PHACTR1: variants seen among roughly 807,000 people sequenced by gnomAD.
PHACTR1 encodes phosphatase and actin regulator 1, also known as RPEL repeat containing 1.
Under a neutral mutation model 69.2 loss-of-function variants are expected in PHACTR1, and 16 were observed. The ratio of observed to expected loss-of-function variants is 0.23; its 90% CI spans 0.16 to 0.35. PHACTR1 has a LOEUF of 0.35. PHACTR1 is among the 10% of genes least tolerant of loss of function. The pLI is 1.00. For synonymous variants in PHACTR1, 312 were observed against 284.5 expected (o/e 1.10, Z -0.97); for missense variants, 510 against 734.7 (o/e 0.69, Z 3.54).
rs144897266 is a variant in PHACTR1 at position 12,751,267 on chromosome 6, G to A, written c.250+1477G>A. ...TTCTTAAATGTTTGCCTCTGACTTT[G>A]GAGCTGAAGACAAGTTTATTTAGAA... On this transcript the variant is annotated intron_variant, in intron 4 of 14. Coordinates refer to ENST00000332995, the MANE Select transcript of PHACTR1 (RefSeq NM_030948.6). Among the ~76,000 whole-genome samples, 265 of 152,314 alleles carry A rather than the reference G, an allele frequency of 1.7e-3. 1 individual carries two copies. Among genetic ancestry groups the A allele is most frequent in the African/African-American group, 5.6e-3 (233 of 41,576 alleles).
intron 3 of PHACTR1, among the ~76,000 whole-genome samples, chr6:12,732,371 A>T (rs1401085545): frequency 6.6e-6 from 1 of 151,736 alleles, no homozygotes; most frequent in Non-Finnish European, 1.5e-5. Context: ...TAGTTCTTCT[A>T]AAAAATGGGG....
intron 4 of PHACTR1, among the ~76,000 whole-genome samples, chr6:13,034,261 C>T (rs1460885066): frequency 6.6e-6 from 1 of 152,116 alleles, no homozygotes; most frequent in Non-Finnish European, 1.5e-5. Flanking sequence ...TCGTGATCCG[C>T]CCGCCTCGGC....
chr6:12,987,184 A>C (rs1249393083), intron 4 of PHACTR1, among the ~76,000 whole-genome samples: 2 of 152,186 alleles, frequency 1.3e-5, no homozygotes, highest in African/African-American at 4.8e-5. Flanking sequence ...AAGGATTTTT[A>C]TTTTATTCTG....
intron 10 of PHACTR1, among the ~76,000 whole-genome samples, chr6:13,243,244 C>CTT (rs58107564): frequency 2.9e-5 from 4 of 136,254 alleles, no homozygotes; most frequent in African/African-American, 5.3e-5. Flanking sequence ...TGTCAGACCA[C>CTT]TTTTTTTTTT....
At position 13,179,429 on chromosome 6, in the gene PHACTR1, T is replaced by TGTGTGTGA. The variant is rs1441431918; in HGVS notation, c.497-3083_497-3082insAGTGTGTG. ...TCGTGTGTGTGTGTGTGTGTGTGTG[T>TGTGTGTGA]GTGTGTGTGTGTGTGTTTAAAAATG... is the stretch of plus-strand genomic sequence containing the variant. On this transcript the variant is annotated intron_variant, in intron 6 of 14. Transcript: ENST00000332995. This position sits in a 1 kb window ranked among gnomAD's most constrained non-coding sequence, Gnocchi z 4.2. Among the ~76,000 whole-genome samples, 1 of 151,682 alleles carries TGTGTGTGA rather than the reference T, an allele frequency of 6.6e-6. No homozygotes were observed. The highest frequency in any genetic ancestry group is 6.6e-5 in the Admixed American group (1 of 15,212).
chr6:13,163,126 C>A (rs556675642), intron 6 of PHACTR1, among the ~76,000 whole-genome samples: 1 of 152,048 alleles, frequency 6.6e-6, no homozygotes, highest in East Asian at 1.9e-4. Context: ...GCGCCTGTAG[C>A]CCCAGCTACT....
rs552996033 is a variant in PHACTR1, at chr6:13,163,163, T to C, written c.496+2879T>C. 2.1e-4 allele frequency among the ~76,000 whole-genome samples: 32 copies of C among 152,312 alleles called. No homozygotes were observed. The East Asian group carries it at 6.2e-3, about 29-fold the overall frequency. On this transcript the variant is annotated intron_variant, in intron 6 of 14. Coordinates refer to ENST00000332995, the MANE Select transcript of PHACTR1 (RefSeq NM_030948.6). ...GGGAGGCTGAGGCAGGAGAATCACT[T>C]GAACCCAGGAGGTGGAGGTTGCAGT...
chr6:12,965,451 C>CATTTTTTTTTTTT (rs60864787), intron 4 of PHACTR1, among the ~76,000 whole-genome samples: 3 of 131,966 alleles, frequency 2.3e-5, no homozygotes, highest in Non-Finnish European at 1.6e-5. Context: ...TATTTTGTGC[C>CATTTTTTTTTTTT]TTTTTTTTTT....
intron 4 of PHACTR1, among the ~76,000 whole-genome samples, chr6:12,993,799 A>C (rs1797093025): frequency 6.6e-6 from 1 of 152,162 alleles, no homozygotes; most frequent in Admixed American, 6.5e-5. Flanking sequence ...AAGCGAACAT[A>C]TTTTCCCCTC....
intron 4 of PHACTR1, among the ~76,000 whole-genome samples, chr6:12,930,358 G>T (rs1029450634): frequency 6.6e-6 from 1 of 152,128 alleles, no homozygotes; most frequent in Non-Finnish European, 1.5e-5. Context: ...GAATTTTTTT[G>T]GGTGTGTGGA....
At chr6:12,754,128 ATTTTTT>A (rs34841058) in intron 4 of PHACTR1, among the ~76,000 whole-genome samples, 2 of 112,428 alleles carry the variant, frequency 1.8e-5, no homozygotes, top group South Asian at 3.2e-4. Context: ...ACGCCTGGCT[ATTTTTT>A]TTTTTTTTTT....
intron 5 of PHACTR1, among the ~76,000 whole-genome samples, chr6:13,140,270 A>G (rs1346488113): frequency 6.6e-6 from 1 of 152,200 alleles, no homozygotes; most frequent in African/African-American, 2.4e-5. Context: ...TAACCCAGCA[A>G]TTCCACTTCT....
At chr6:12,900,676 C>T (rs960398901) in intron 4 of PHACTR1, among the ~76,000 whole-genome samples, 1 of 152,136 alleles carries the variant, frequency 6.6e-6, no homozygotes, top group Non-Finnish European at 1.5e-5. Flanking sequence ...CCAGCCTGGG[C>T]AACACAGTGA....
chr6:12,976,082 A>G lies in PHACTR1; in HGVS notation c.251-77283A>G, dbSNP rs72820852. On this transcript the variant is annotated intron_variant, in intron 4 of 14. Coordinates refer to ENST00000332995, the MANE Select transcript of PHACTR1 (RefSeq NM_030948.6). ...CAACTTGCCAACATCTATGAAAAAT[A>G]GAAGAGGCTTAGCAATCAATCACTG... Among the ~76,000 whole-genome samples the G allele has an allele frequency of 8.8e-3, 1,339 of 152,316 alleles. 5 individuals are homozygous for G. The highest frequency in any genetic ancestry group is 0.015 in the Non-Finnish European group (995 of 68,030).
chr6:13,051,421 T>A (rs531016650), intron 4 of PHACTR1, among the ~76,000 whole-genome samples: 44 of 152,290 alleles, frequency 2.9e-4, no homozygotes, highest in Admixed American at 5.9e-4. Flanking sequence ...GAACCCCAAA[T>A]GCCAATTCAT....
intron 4 of PHACTR1, among the ~76,000 whole-genome samples, chr6:12,991,074 A>G (rs1486603903): frequency 2.0e-5 from 3 of 152,148 alleles, no homozygotes; most frequent in African/African-American, 7.2e-5. Flanking sequence ...TTAGGGCCAT[A>G]GTTTCCAGGC....
chr6:12,764,717 G>A (rs1197838390), intron 4 of PHACTR1, among the ~76,000 whole-genome samples: 1 of 152,184 alleles, frequency 6.6e-6, no homozygotes, highest in Non-Finnish European at 1.5e-5. Flanking sequence ...GATGAAAATA[G>A]TGGTGTTCAA....
chr6:13,089,710 C>T (rs1268849228), intron 5 of PHACTR1, among the ~76,000 whole-genome samples: 1 of 152,168 alleles, frequency 6.6e-6, no homozygotes, highest in African/African-American at 2.4e-5. Flanking sequence ...TTCTGGTTCG[C>T]GTCCTACTAG....
At chr6:12,750,285 C>A (rs1766445688) in intron 4 of PHACTR1, among the ~76,000 whole-genome samples, 1 of 152,158 alleles carries the variant, frequency 6.6e-6, no homozygotes, top group Non-Finnish European at 1.5e-5. Flanking sequence ...TTCCTTGCAC[C>A]AAGCAGCTGG....
Sources: gnomAD v4.1 joint callset for allele counts (sites outside exome capture counted in the v4.1 genomes callset) on GRCh38, gnomAD v4.1.1 for gene constraint, Gnocchi (gnomAD v3.1) non-coding constraint, MANE v1.5 for transcripts, NCBI Gene and HGNC (gene_info 2026-07-23, HGNC 2026-07-21) for gene names.